RAPGEF1: variants seen among roughly 807,000 people sequenced by gnomAD.
RAPGEF1 encodes CRK SH3-binding GNRP.
Under a neutral mutation model 143.3 loss-of-function variants are expected in RAPGEF1, and 33 were observed. The ratio of observed to expected loss-of-function variants is 0.23; its 90% CI spans 0.17 to 0.31. RAPGEF1 has a LOEUF of 0.31. Among genes scored for constraint, RAPGEF1 ranks in the 10% least tolerant of loss-of-function variants. The probability of loss-of-function intolerance (pLI) is 1.00; values close to 1 mark genes in which losing one functional copy is unlikely to be tolerated. For synonymous variants in RAPGEF1, 629 were observed against 676.5 expected (o/e 0.93, Z 1.09); for missense variants, 1,199 against 1,645.4 (o/e 0.73, Z 4.69).
At chr9:131,595,112 C>T (rs781728175) in intron 17 of RAPGEF1, among the ~76,000 whole-genome samples, 8 of 152,216 alleles carry the variant, frequency 5.3e-5, no homozygotes, top group African/African-American at 7.2e-5. Context: ...CAACAGGCAC[C>T]GTTCACCCCT....
At chr9:131,720,794 G>GA (rs763883807) in intron 1 of RAPGEF1, among the ~76,000 whole-genome samples, 79 of 151,002 alleles carry the variant, frequency 5.2e-4, no homozygotes, top group South Asian at 1.9e-3. Flanking sequence ...CACAGCAACA[G>GA]AAAAAAAAAT....
intron 1 of RAPGEF1, among the ~76,000 whole-genome samples, chr9:131,657,889 A>G (rs1244653914): frequency 1.3e-5 from 2 of 152,198 alleles, no homozygotes; most frequent in Non-Finnish European, 2.9e-5. Flanking sequence ...TGTGAACGTT[A>G]CCTAAGTGAT....
chr9:131,730,593 G>A (rs1836985729), intron 1 of RAPGEF1, among the ~76,000 whole-genome samples: 1 of 149,686 alleles, frequency 6.7e-6, no homozygotes, highest in South Asian at 2.1e-4. Flanking sequence ...TACTTGGGAG[G>A]CTGAGGCAGA....
At chr9:131,709,619 C>T in intron 1 of RAPGEF1, 1 of 1,613,794 alleles carries the variant, frequency 6.2e-7, no homozygotes, top group Non-Finnish European at 8.5e-7. Flanking sequence ...GGCTTTCTTA[C>T]CTTGTTTCCA....
intron 17 of RAPGEF1, among the ~76,000 whole-genome samples, chr9:131,595,931 A>G (rs949282619): frequency 2.6e-5 from 4 of 152,224 alleles, no homozygotes; most frequent in Non-Finnish European, 4.4e-5. Context: ...AGAGTGACTC[A>G]GCAGTCAGGA....
chr9:131,636,435 T>G (rs1022999030), intron 5 of RAPGEF1, among the ~76,000 whole-genome samples: 2 of 152,254 alleles, frequency 1.3e-5, no homozygotes, highest in African/African-American at 4.8e-5. Context: ...CTCCTTTTTT[T>G]TTCCCCAGTC....
At chr9:131,596,444 A>G (rs1422194061) in intron 16 of RAPGEF1, 71 bp from the exon 17 acceptor site, 1 of 1,487,624 alleles carries the variant, frequency 6.7e-7, no homozygotes, top group East Asian at 2.3e-5. Flanking sequence ...AGGAAGAAAC[A>G]GGCAGGAATG....
chr9:131,682,546 C>T (rs879643070), intron 1 of RAPGEF1, among the ~76,000 whole-genome samples: 2 of 152,114 alleles, frequency 1.3e-5, no homozygotes, highest in Non-Finnish European at 2.9e-5. Flanking sequence ...AAAAGGGGTG[C>T]GAATACATAC....
chr9:131,725,926 T>C (rs1006869534), intron 1 of RAPGEF1, among the ~76,000 whole-genome samples: 15 of 151,964 alleles, frequency 9.9e-5, no homozygotes, highest in Non-Finnish European at 1.3e-4. Context: ...GCCCAGCTAA[T>C]TTTTTGTATT....
chr9:131,738,068 G>C (rs940175710), intron 1 of RAPGEF1, among the ~76,000 whole-genome samples: 1 of 152,074 alleles, frequency 6.6e-6, no homozygotes, highest in African/African-American at 2.4e-5. Context: ...TCCTGCCTTG[G>C]CCTTCCAAAA....
At chr9:131,614,175 C>T (rs1243280162) in intron 12 of RAPGEF1, among the ~76,000 whole-genome samples, 2 of 152,194 alleles carry the variant, frequency 1.3e-5, no homozygotes, top group Admixed American at 6.5e-5. Context: ...TGAGAAACCC[C>T]TCTCCCACCC....
intron 1 of RAPGEF1, among the ~76,000 whole-genome samples, chr9:131,658,173 C>T (rs1973036644): frequency 6.6e-6 from 1 of 152,198 alleles, no homozygotes; most frequent in Non-Finnish European, 1.5e-5. Flanking sequence ...GTATATGCCA[C>T]ATTGATTCTT....
intron 1 of RAPGEF1, among the ~76,000 whole-genome samples, chr9:131,704,853 A>G (rs1003360055): frequency 6.6e-6 from 1 of 152,148 alleles, no homozygotes; most frequent in Non-Finnish European, 1.5e-5. Context: ...TTATAAGCCT[A>G]TTTCAGAGAA....
In RAPGEF1 at chr9:131,650,753, C is replaced by A. The variant is rs1970874868; in HGVS notation, c.201+57G>T. On this transcript the variant is annotated intron_variant, in intron 2 of 26. Transcript: ENST00000683357. This position sits in a 1 kb window ranked among gnomAD's most constrained non-coding sequence, Gnocchi z 4.7. ...CCAGGGAGGGAACATACAAATCGCA[C>A]AAACTCATATTGCTGGAAGCAGGTG... The A allele has an allele frequency of 2.5e-6, 4 of 1,590,830 alleles. No homozygotes were observed. The South Asian group carries it at 3.4e-5, about 14-fold the overall frequency.
chr9:131,604,858 TA>T, intron 13 of RAPGEF1, 72 bp downstream of exon 13: 1 of 1,217,756 alleles, frequency 8.2e-7, no homozygotes, highest in Non-Finnish European at 1.1e-6. Flanking sequence ...AACCGCTTTT[TA>T]AAAAACGTGC....
intron 6 of RAPGEF1, 112 bp downstream of exon 6, chr9:131,630,124 G>A: frequency 1.1e-6 from 1 of 883,122 alleles, no homozygotes; most frequent in Non-Finnish European, 1.8e-6. Flanking sequence ...AGGAATATGG[G>A]CCTCCAGCAG....
At chr9:131,671,162 G>A (rs1831313193) in intron 1 of RAPGEF1, among the ~76,000 whole-genome samples, 1 of 152,220 alleles carries the variant, frequency 6.6e-6, no homozygotes, top group African/African-American at 2.4e-5. Flanking sequence ...AGGAAATAGT[G>A]ATCGTTTTTC....
intron 5 of RAPGEF1, among the ~76,000 whole-genome samples, chr9:131,632,419 G>T (rs186691282): frequency 6.6e-6 from 1 of 151,598 alleles, no homozygotes; most frequent in Non-Finnish European, 1.5e-5. Flanking sequence ...GAGCCACCGC[G>T]CCCGGCCAAG....
intron 1 of RAPGEF1, among the ~76,000 whole-genome samples, chr9:131,660,628 G>T (rs1973801935): frequency 6.6e-6 from 1 of 152,112 alleles, no homozygotes; most frequent in Non-Finnish European, 1.5e-5. Flanking sequence ...TGGCCTGTCT[G>T]CGCCCTTGTA....
Sources: gnomAD v4.1 joint callset for allele counts (sites outside exome capture counted in the v4.1 genomes callset) on GRCh38, gnomAD v4.1.1 for gene constraint, Gnocchi (gnomAD v3.1) non-coding constraint, MANE v1.5 for transcripts, NCBI Gene and HGNC (gene_info 2026-07-23, HGNC 2026-07-21) for gene names.